Variants in NAALADL2 observed in about 807,000 individuals in gnomAD.
NAALADL2 encodes N-acetylated alpha-linked acidic dipeptidase like 2, also known as inactive N-acetylated-alpha-linked acidic dipeptidase-like protein 2.
Under a neutral mutation model 87.2 loss-of-function variants are expected in NAALADL2, and 76 were observed. The observed-to-expected ratio is 0.87, with a 90% confidence interval of 0.72 to 1.05. The LOEUF (loss-of-function observed/expected upper bound fraction) is 1.05, where lower values mean the gene tolerates loss of function less well. Ranked by LOEUF, NAALADL2 falls within the 50% of genes least tolerant of loss-of-function variation. The probability of loss-of-function intolerance (pLI) is 0.00; values close to 1 mark genes in which losing one functional copy is unlikely to be tolerated. For synonymous variants in NAALADL2, 354 were observed against 331.0 expected (o/e 1.07, Z -0.75); for missense variants, 1,089 against 945.8 (o/e 1.15, Z -1.99).
At chr3:174,555,974 CGTGTGTGT>C (rs66968495) in intron 2 of NAALADL2, among the ~76,000 whole-genome samples, 41 of 142,624 alleles carry the variant, frequency 2.9e-4, no homozygotes, top group South Asian at 4.5e-4. Context: ...CCTTATCCTC[CGTGTGTGT>C]GTGTGTGTGT....
chr3:175,543,883 G>A (rs2149475304), intron 9 of NAALADL2, among the ~76,000 whole-genome samples: 1 of 152,266 alleles, frequency 6.6e-6, no homozygotes, highest in South Asian at 2.1e-4. Context: ...AAAAAATGTG[G>A]AATTTTGATA....
intron 5 of NAALADL2, among the ~76,000 whole-genome samples, chr3:175,429,354 TATG>T (rs1158486765): frequency 2.0e-5 from 3 of 152,072 alleles, no homozygotes; most frequent in African/African-American, 7.2e-5. Context: ...AAATGCTGTA[TATG>T]AATTCTTTGA....
intron 2 of NAALADL2, among the ~76,000 whole-genome samples, chr3:175,181,749 A>ATATATGTGTG (rs1736569080): frequency 8.3e-6 from 1 of 121,004 alleles, no homozygotes; most frequent in Non-Finnish European, 1.7e-5. Flanking sequence ...ATATATGTAT[A>ATATATGTGTG]TATATGTGTG....
At chr3:175,197,121 A>C (rs1466969993) in intron 2 of NAALADL2, among the ~76,000 whole-genome samples, 5 of 152,014 alleles carry the variant, frequency 3.3e-5, no homozygotes, top group Non-Finnish European at 7.4e-5. Flanking sequence ...GCAACACTTA[A>C]GGCCCTCTGC....
intron 1 of NAALADL2, among the ~76,000 whole-genome samples, chr3:175,061,915 A>G (rs1713573288): frequency 1.3e-5 from 2 of 152,106 alleles, no homozygotes; most frequent in South Asian, 4.1e-4. Context: ...ACTGGATTCA[A>G]ACAGATGGGA....
intron 2 of NAALADL2, among the ~76,000 whole-genome samples, chr3:174,716,177 A>T (rs571388719): frequency 6.6e-6 from 1 of 152,284 alleles, no homozygotes; most frequent in Non-Finnish European, 1.5e-5. Context: ...CTATTGGGAA[A>T]GATCATATTC....
At chr3:175,715,616 C>T (rs1741127150) in intron 11 of NAALADL2, among the ~76,000 whole-genome samples, 1 of 152,096 alleles carries the variant, frequency 6.6e-6, no homozygotes, top group Non-Finnish European at 1.5e-5. Context: ...TGGCTCACAC[C>T]TGTAACCCCA....
intron 1 of NAALADL2, among the ~76,000 whole-genome samples, chr3:174,990,685 G>A (rs1746613500): frequency 6.6e-6 from 1 of 152,132 alleles, no homozygotes; most frequent in Admixed American, 6.5e-5. Flanking sequence ...ATCATATTCT[G>A]CATATACAAG....
intron 11 of NAALADL2, among the ~76,000 whole-genome samples, chr3:175,643,083 A>G (rs1450633864): frequency 6.6e-6 from 1 of 152,228 alleles, no homozygotes; most frequent in African/African-American, 2.4e-5. Flanking sequence ...ACTTAAAAGA[A>G]TAAGCATTAA....
At chr3:175,504,665 C>G (rs1560668317) in intron 9 of NAALADL2, among the ~76,000 whole-genome samples, 1 of 150,642 alleles carries the variant, frequency 6.6e-6, no homozygotes. Flanking sequence ...GCAAGAGACC[C>G]TTCACCAGAA....
intron 1 of NAALADL2, among the ~76,000 whole-genome samples, chr3:174,528,484 T>C (rs1018131544): frequency 5.9e-5 from 9 of 151,920 alleles, no homozygotes; most frequent in African/African-American, 2.2e-4. Context: ...ACAAAAAACT[T>C]GGGTGTGACG....
chr3:175,628,040 C>G (rs555405102), intron 11 of NAALADL2, among the ~76,000 whole-genome samples: 1 of 151,742 alleles, frequency 6.6e-6, no homozygotes, highest in African/African-American at 2.4e-5. Context: ...GGCAATCATA[C>G]TTATATTTTT....
Position 175,314,692 on chromosome 3 carries a change from A to C in NAALADL2, c.940-9483A>C, listed in dbSNP as rs868004175. ...TATATATATATATATATATATATAT[A>C]TATATATATATATATATATATATAT... On this transcript the variant is annotated intron_variant, in intron 4 of 13. Transcript: ENST00000454872. 1.3e-3 allele frequency among the ~76,000 whole-genome samples: 90 copies of C among 68,326 alleles called. 5 individuals are homozygous for C. Among genetic ancestry groups the C allele is most frequent in the Middle Eastern group, 7.6e-3 (1 of 132 alleles). 44.8% of individuals were successfully genotyped at this position (68,326 alleles called of 152,430 possible).
At chr3:175,366,542 G>T (rs56099534) in intron 5 of NAALADL2, among the ~76,000 whole-genome samples, 4 of 150,372 alleles carry the variant, frequency 2.7e-5, no homozygotes, top group African/African-American at 9.8e-5. Context: ...CTTTTTAATG[G>T]TTGTCATTCT....
chr3:174,913,106 A>G (rs895334103), intron 1 of NAALADL2, among the ~76,000 whole-genome samples: 2 of 152,214 alleles, frequency 1.3e-5, no homozygotes, highest in African/African-American at 4.8e-5. Context: ...ACATATTACA[A>G]TTAATGACAG....
chr3:175,723,100 C>T (rs1020317238), intron 11 of NAALADL2, among the ~76,000 whole-genome samples: 2 of 152,064 alleles, frequency 1.3e-5, no homozygotes, highest in African/African-American at 4.8e-5. Context: ...GTCAAGCTGT[C>T]CTAGATGTAG....
At chr3:174,640,190 G>A (rs1001152962) in intron 2 of NAALADL2, among the ~76,000 whole-genome samples, 2 of 152,168 alleles carry the variant, frequency 1.3e-5, no homozygotes, top group African/African-American at 2.4e-5. Flanking sequence ...GCTGCAGCTC[G>A]GCTCCCAGAC....
chr3:174,983,653 A>C (rs2108664521), intron 1 of NAALADL2, among the ~76,000 whole-genome samples: 1 of 152,234 alleles, frequency 6.6e-6, no homozygotes, highest in Non-Finnish European at 1.5e-5. Context: ...CTCTTTTTTA[A>C]GGGCACTAAT....
intron 2 of NAALADL2, among the ~76,000 whole-genome samples, chr3:175,172,431 C>A (rs1001812156): frequency 2.0e-5 from 3 of 152,114 alleles, no homozygotes; most frequent in African/African-American, 7.2e-5. Flanking sequence ...GTAACAACTT[C>A]GCTAACCCTC....
Sources: allele counts gnomAD v4.1 joint callset (sites outside exome capture counted in the v4.1 genomes callset), GRCh38; gene constraint gnomAD v4.1.1; transcripts MANE v1.5; gene names NCBI Gene and HGNC (gene_info 2026-07-23, HGNC 2026-07-21).